Variants in CSTL1 observed in about 807,000 individuals in gnomAD.
CSTL1 encodes cystatin like 1.
Under a neutral mutation model 14.4 loss-of-function variants are expected in CSTL1, and 14 were observed. That is an observed-to-expected ratio of 0.97 (90% confidence interval 0.64 to 1.52). CSTL1 has a LOEUF of 1.52. Ranked by LOEUF, CSTL1 falls within the 40% of genes most tolerant of loss-of-function variation. The pLI is 0.00. For synonymous variants in CSTL1, 72 were observed against 67.5 expected (o/e 1.07, Z -0.33); for missense variants, 170 against 168.7 (o/e 1.01, Z -0.04).
chr20:23,442,668 T>C (rs754369415), intron 2 of CSTL1, among the ~76,000 whole-genome samples: 4 of 152,174 alleles, frequency 2.6e-5, no homozygotes, highest in African/African-American at 4.8e-5. Context: ...AGGCTGGTAC[T>C]GCCCTCAGGT....
downstream of CSTL1, among the ~76,000 whole-genome samples, chr20:23,447,096 G>T (rs1031334027): frequency 6.6e-6 from 1 of 152,192 alleles, no homozygotes; most frequent in Non-Finnish European, 1.5e-5. Context: ...TGATCATCAT[G>T]ACCACCCTAC....
chr20:23,445,227 CTTTCTT>C (rs1986942537), downstream of CSTL1, among the ~76,000 whole-genome samples: 1 of 147,044 alleles, frequency 6.8e-6, no homozygotes, highest in Admixed American at 6.8e-5. Context: ...TCCTTTCTTT[CTTTCTT>C]TTTTTTTTTT....
chr20:23,458,132 T>C, the CSTL1 span, among the ~76,000 whole-genome samples: 1 of 152,222 alleles, frequency 6.6e-6, no homozygotes, highest in East Asian at 1.9e-4. Context: ...CTTTCTGACT[T>C]TCCACATCCT....
At chr20:23,443,857 AGT>A (rs1986897418) in intron 2 of CSTL1, 75 bp from the exon 3 acceptor site, 1 of 1,033,922 alleles carries the variant, frequency 9.7e-7, no homozygotes, top group Non-Finnish European at 1.5e-6. Context: ...CTTTACTCTC[AGT>A]CCTAGCTTCT....
At chr20:23,451,749 T>C in the CSTL1 span, 1 of 1,186,202 alleles carries the variant, frequency 8.4e-7, no homozygotes. Context: ...CCCAACTCAT[T>C]CTAAAGCCAC....
downstream of CSTL1, among the ~76,000 whole-genome samples, chr20:23,449,724 C>T (rs934108217): frequency 6.6e-6 from 1 of 152,156 alleles, no homozygotes; most frequent in Admixed American, 6.5e-5. Context: ...GGACTCCTGG[C>T]TTCTCCCTGT....
chr20:23,447,271 G>A (rs1324401354), downstream of CSTL1, among the ~76,000 whole-genome samples: 5 of 152,092 alleles, frequency 3.3e-5, no homozygotes, highest in African/African-American at 4.8e-5. Context: ...CAATACATCC[G>A]TGTGGTCGTG....
intron 3 of CSTL1, 61 bp downstream of exon 3, chr20:23,444,105 TAG>T: frequency 6.7e-7 from 1 of 1,495,254 alleles, no homozygotes; most frequent in South Asian, 1.1e-5. Context: ...AAGCAACAGC[TAG>T]AAGTTGGCAG....
downstream of CSTL1, among the ~76,000 whole-genome samples, chr20:23,446,664 G>A (rs1568636524): frequency 6.6e-6 from 1 of 152,196 alleles, no homozygotes; most frequent in Non-Finnish European, 1.5e-5. Flanking sequence ...AATAAGACCT[G>A]TGTTTTCTCC....
chr20:23,450,388 A>T, the CSTL1 span: 3 of 636,772 alleles, frequency 4.7e-6, no homozygotes, highest in South Asian at 9.4e-5. Context: ...AAAGAAAAAA[A>T]GTGGAATCAC....
At chr20:23,452,754 T>G in the CSTL1 span, 1 of 1,614,034 alleles carries the variant, frequency 6.2e-7, no homozygotes, top group Non-Finnish European at 8.5e-7. Context: ...GGGAGGGCCA[T>G]CAGAGTCAAT....
chr20:23,444,601 C>A (rs1986925247), intron 3 of CSTL1, among the ~76,000 whole-genome samples, 170 bp from the exon 4 acceptor site: 1 of 152,184 alleles, frequency 6.6e-6, no homozygotes. Context: ...GGGTGACATT[C>A]CTGTTCCAGA....
At chr20:23,445,996 G>A (rs1986958234), downstream of CSTL1, among the ~76,000 whole-genome samples, 1 of 152,190 alleles carries the variant, frequency 6.6e-6, no homozygotes. Flanking sequence ...GTGTCACAAG[G>A]AAGCTCCTTA....
Position 23,440,171 on chromosome 20 carries a change from T to C in CSTL1, c.-97T>C. ...AGGCCATCCCCCAGGAAAGCCTATG[T>C]TGGTGAGGGTTATGATGGGAGAATG... On this transcript the variant is annotated 5_prime_UTR_variant, in exon 2 of 4. Transcript: ENST00000347397. 7.9e-7 allele frequency: 1 copy of C among 1,261,166 alleles called. No homozygotes were observed. The allele number at this position is 1,261,166 out of a possible 1,614,324, so 78.1% of individuals were successfully genotyped here.
chr20:23,452,931 T>TG, the CSTL1 span: 2 of 688,890 alleles, frequency 2.9e-6, no homozygotes, highest in Non-Finnish European at 4.9e-6. Context: ...CACCCACAGC[T>TG]CTCCTCTCCT....
At chr20:23,449,701 C>A (rs964102959), downstream of CSTL1, among the ~76,000 whole-genome samples, 4 of 152,158 alleles carry the variant, frequency 2.6e-5, no homozygotes, top group Non-Finnish European at 4.4e-5. Flanking sequence ...GGAAAGAAAG[C>A]CCCTTGAACA....
downstream of CSTL1, among the ~76,000 whole-genome samples, chr20:23,447,133 T>C (rs1453438253): frequency 1.3e-5 from 2 of 152,206 alleles, no homozygotes; most frequent in Non-Finnish European, 2.9e-5. Flanking sequence ...CTCCACTTTA[T>C]AGATGAAGAG....
chr20:23,443,961 A>G lies in CSTL1; in HGVS notation c.247A>G (p.Thr83Ala). 1 of 1,614,056 alleles carries G rather than the reference A, an allele frequency of 6.2e-7. No homozygotes were observed. The highest frequency in any genetic ancestry group is 1.3e-5 in the African/African-American group (1 of 75,040). Residue 83 changes from threonine (T) to alanine (A), a missense_variant, in exon 3 of 4, where the codon ACT becomes GCT. Coordinates refer to ENST00000347397, the MANE Select transcript of CSTL1 (RefSeq NM_138283.1). Reference protein sequence around the residue: ...QLTTGVEYIVTVKIGWTKCKR... With the variant: ...QLTTGVEYIVAVKIGWTKCKR... ...GACGACGGGAGTGGAGTATATAGTCACTGTGAAGATTGGCTGGACCAAATG... is the reference window on the plus strand; with the variant it reads ...GACGACGGGAGTGGAGTATATAGTCGCTGTGAAGATTGGCTGGACCAAATG...
rs1413786386 is a variant in CSTL1 at position 23,444,924 on chromosome 20, A to G, written c.*46A>G. On this transcript the variant is annotated 3_prime_UTR_variant, in exon 4 of 4. Transcript: ENST00000347397. The stretch of plus-strand genomic sequence containing the variant: ...TGCACTGGCTGTTATTAAACTGTAA[A>G]GGATCATGTCTCCCTCATTGGGGTC... 7.7e-7 allele frequency: 1 copy of G among 1,291,252 alleles called. No individual in the cohort carries two copies. The highest frequency in any genetic ancestry group is 1.2e-5 in the South Asian group (1 of 84,350). 80.0% of individuals were successfully genotyped at this position (1,291,252 alleles called of 1,614,324 possible).
Sources: allele counts gnomAD v4.1 joint callset (sites outside exome capture counted in the v4.1 genomes callset), GRCh38; gene constraint gnomAD v4.1.1; transcripts MANE v1.5; gene names NCBI Gene and HGNC (gene_info 2026-07-23, HGNC 2026-07-21).